The following ZFHX3 variants were observed in gnomAD, a reference collection of about 807,000 sequenced individuals.
ZFHX3 encodes the protein zinc finger homeobox protein 3.
A neutral mutation model predicts 279.1 loss-of-function variants in ZFHX3; 42 were observed. The observed-to-expected ratio is 0.15, with a 90% CI of 0.12 to 0.19. The LOEUF (loss-of-function observed/expected upper bound fraction) is 0.19, where lower values mean the gene tolerates loss of function less well. ZFHX3 is among the 10% of genes least tolerant of loss of function. The pLI is 1.00. For synonymous variants in ZFHX3, 2,293 were observed against 1,957.8 expected (o/e 1.17, Z -4.52); for missense variants, 4,981 against 4,754.0 (o/e 1.05, Z -1.40).
At chr16:73,809,272 A>G (rs1381040785) in intron 1 of ZFHX3, 2 of 152,242 alleles carry the variant, frequency 1.3e-5, no homozygotes, top group Non-Finnish European at 2.9e-5. Flanking sequence ...AATGCAAGTC[A>G]GCTGCACCGG....
chr16:73,662,180 C>T (rs4888588), intron 2 of ZFHX3, among the ~76,000 whole-genome samples: 101,780 of 152,000 alleles, frequency 0.67, 34,287 homozygotes, highest in East Asian at 0.84. Flanking sequence ...GATATAATCA[C>T]CTGTTACAGA....
chr16:73,494,052 C>A (rs535862252), intron 2 of ZFHX3, among the ~76,000 whole-genome samples: 2 of 152,102 alleles, frequency 1.3e-5, no homozygotes, highest in African/African-American at 4.8e-5. Flanking sequence ...ATGCCTTCCT[C>A]CCCGGTCTCC....
intron 5 of ZFHX3, among the ~76,000 whole-genome samples, chr16:73,149,617 A>C (rs748410194): frequency 6.6e-6 from 1 of 152,120 alleles, no homozygotes; most frequent in African/African-American, 2.4e-5. Context: ...GCGGCGTTTC[A>C]GAGTGACACC....
At chr16:73,530,297 C>T (rs1176060951) in intron 2 of ZFHX3, among the ~76,000 whole-genome samples, 1 of 151,976 alleles carries the variant, frequency 6.6e-6, no homozygotes, top group Non-Finnish European at 1.5e-5. Flanking sequence ...TGGGTCTGTC[C>T]CACAAAAATT....
At chr16:73,636,887 G>A (rs1367558086) in intron 2 of ZFHX3, among the ~76,000 whole-genome samples, 1 of 151,978 alleles carries the variant, frequency 6.6e-6, no homozygotes, top group Non-Finnish European at 1.5e-5. Flanking sequence ...GTTTATTTGG[G>A]CTAGGGGTAG....
intron 1 of ZFHX3, among the ~76,000 whole-genome samples, chr16:72,980,849 G>A (rs1474403551): frequency 6.6e-6 from 1 of 152,114 alleles, no homozygotes; most frequent in East Asian, 1.9e-4. Flanking sequence ...TTCAGCAACG[G>A]ACAAAAAAGA....
chr16:73,378,030 CAAAAAAAAAAAAAA>C (rs71156159), intron 3 of ZFHX3, among the ~76,000 whole-genome samples: 22 of 53,838 alleles, frequency 4.1e-4, no homozygotes, highest in South Asian at 3.4e-3. Flanking sequence ...GACTCTGTCT[CAAAAAAAAAAAAAA>C]AAAAAAAAAA....
chr16:73,223,444 G>C (rs1425647409), intron 5 of ZFHX3, among the ~76,000 whole-genome samples: 1 of 152,088 alleles, frequency 6.6e-6, no homozygotes, highest in Non-Finnish European at 1.5e-5. Context: ...AAGATATATA[G>C]ATGGTAAACA....
At chr16:73,725,622 G>A (rs16972392) in intron 1 of ZFHX3, among the ~76,000 whole-genome samples, 2,815 of 152,114 alleles carry the variant, frequency 0.019, 82 homozygotes, top group African/African-American at 0.065. Context: ...TAGGGCCTGG[G>A]ATAAGAGAAC....
At position 72,788,656 on chromosome 16, in the gene ZFHX3, A is replaced by C. The variant is rs1216397201; in HGVS notation, c.9620T>G (p.Val3207Gly). ...TGCTGGCGGCGGGGGAGGCTGCTGC[A>C]CCTGTGGTTGCTGCTGCTGCTGCTG... ...QQQQQQQQPQVQQPPPPPAAQ... is the reference protein window; with the variant it reads ...QQQQQQQQPQGQQPPPPPAAQ... The change falls in exon 10 of 10, where the codon GTG becomes GGG. Residue 3207 changes from valine (V) to glycine (G), a missense_variant. Physicochemically the swap from Val to Gly is moderately radical, Grantham distance 109 (BLOSUM62 -3). Coordinates refer to ENST00000268489, the MANE Select transcript of ZFHX3 (RefSeq NM_006885.4). The C allele has an allele frequency of 2.5e-6, 4 of 1,611,580 alleles. No individual in the cohort carries two copies. The highest frequency in any genetic ancestry group is 1.7e-5 in the Admixed American group (1 of 59,826).
At chr16:73,028,998 T>A (rs770709096) in intron 1 of ZFHX3, among the ~76,000 whole-genome samples, 23 of 152,122 alleles carry the variant, frequency 1.5e-4, no homozygotes, top group Non-Finnish European at 2.8e-4. Context: ...AATCCCAGCC[T>A]CCTGAGGTTT....
intron 2 of ZFHX3, among the ~76,000 whole-genome samples, chr16:73,475,733 A>G (rs1282185898): frequency 6.6e-6 from 1 of 152,148 alleles, no homozygotes; most frequent in Non-Finnish European, 1.5e-5. Flanking sequence ...TTATAAATTC[A>G]GAGCAAACTC....
intron 1 of ZFHX3, among the ~76,000 whole-genome samples, chr16:73,006,884 T>A (rs1963724565): frequency 6.6e-6 from 1 of 152,222 alleles, no homozygotes; most frequent in Non-Finnish European, 1.5e-5. Flanking sequence ...TAATGCAATG[T>A]AAATGCTATA....
intron 2 of ZFHX3, among the ~76,000 whole-genome samples, chr16:73,598,436 T>TC (rs2052075591): frequency 6.6e-6 from 1 of 151,910 alleles, no homozygotes; most frequent in African/African-American, 2.4e-5. Context: ...TTTTTTTTTT[T>TC]TGACAGGATC....
chr16:73,401,527 G>A (rs938685018), intron 3 of ZFHX3: 1 of 151,910 alleles, frequency 6.6e-6, no homozygotes, highest in African/African-American at 2.4e-5. Context: ...ATCTCCTTGG[G>A]CCTTGTGCAG....
At chr16:73,235,374 T>A (rs910135841) in intron 5 of ZFHX3, among the ~76,000 whole-genome samples, 7 of 152,222 alleles carry the variant, frequency 4.6e-5, no homozygotes, top group African/African-American at 1.7e-4. Context: ...TGAGGCACCA[T>A]GCCCGGCCAC....
intron 3 of ZFHX3, among the ~76,000 whole-genome samples, chr16:72,899,931 C>A (rs2038990215): frequency 1.3e-5 from 2 of 152,114 alleles, no homozygotes. Flanking sequence ...TCTCTCCTTA[C>A]AACCAACCCT....
At chr16:73,869,344 A>G (rs1962106558) in intron 1 of ZFHX3, among the ~76,000 whole-genome samples, 1 of 152,222 alleles carries the variant, frequency 6.6e-6, no homozygotes, top group Non-Finnish European at 1.5e-5. Flanking sequence ...TTTAGATGCC[A>G]TTTGATGAAG....
intron 3 of ZFHX3, among the ~76,000 whole-genome samples, chr16:72,939,777 A>T (rs1462229448): frequency 6.6e-6 from 1 of 152,108 alleles, no homozygotes; most frequent in Admixed American, 6.5e-5. Flanking sequence ...AATCCCAGCT[A>T]CTTGGGAGGC....
Sources: allele counts gnomAD v4.1 joint callset (sites outside exome capture counted in the v4.1 genomes callset), GRCh38; gene constraint gnomAD v4.1.1; transcripts MANE v1.5; gene names NCBI Gene and HGNC (gene_info 2026-07-23, HGNC 2026-07-21).